Variants in TAF1B observed in about 807,000 individuals in gnomAD.
TAF1B encodes the protein TATA-box binding protein associated factor, RNA polymerase I subunit B, also known as TATA box-binding protein-associated factor RNA polymerase I subunit B.
A neutral mutation model predicts 83.9 loss-of-function variants in TAF1B; 61 were observed. The observed-to-expected ratio is 0.73, with a 90% CI of 0.59 to 0.90. TAF1B has a LOEUF of 0.90. Ranked by LOEUF, TAF1B falls within the 40% of genes least tolerant of loss-of-function variation. The pLI is 0.00. For synonymous variants in TAF1B, 221 were observed against 224.6 expected, an observed-to-expected ratio of 0.98 and a Z score of 0.14; for missense variants, 625 against 677.0, an observed-to-expected ratio of 0.92 and a Z score of 0.85.
rs182791844 is a variant in TAF1B at position 9,858,864 on chromosome 2, A to G, written c.399+4443A>G. ...CTGAGCCCTGGACCTGGCCCGTAAA[A>G]CCATTTTTCCCTCCTAGGCATCTGG... On this transcript the variant is annotated intron_variant, in intron 5 of 14. Coordinates refer to ENST00000263663, the MANE Select transcript of TAF1B (RefSeq NM_005680.3). Among the ~76,000 whole-genome samples the G allele has an allele frequency of 1.8e-4, 28 of 152,144 alleles. No homozygotes were observed. The East Asian group carries it at 4.6e-3, about 25-fold the overall frequency.
intron 1 of TAF1B, chr2:9,844,286 G>A (rs78443715): frequency 0.064 from 9,671 of 151,898 alleles, 345 homozygotes; most frequent in African/African-American, 0.082. Flanking sequence ...ATGAGCTAGG[G>A]CTACAGACAT....
rs1447669554 is a variant in TAF1B, at chr2:9,888,808, T to G, written c.807+6003T>G. On this transcript the variant is annotated intron_variant, in intron 8 of 14. Coordinates refer to ENST00000263663, the MANE Select transcript of TAF1B (RefSeq NM_005680.3). Reference sequence around the variant, plus strand: ...CTGCTTGGTTTTTTTTTTTTTTTTTTTTTTTTTTTTTTAAGACAAATTTTT... The same window carrying G: ...CTGCTTGGTTTTTTTTTTTTTTTTTGTTTTTTTTTTTTAAGACAAATTTTT... 4.8e-5 allele frequency among the ~76,000 whole-genome samples: 7 copies of G among 145,384 alleles called. No homozygotes were observed. In the East Asian group the frequency reaches 5.9e-4, roughly 12 times the overall value.
At chr2:9,896,473 ATGACAAAAGG>A in intron 8 of TAF1B, among the ~76,000 whole-genome samples, 1 of 152,120 alleles carries the variant, frequency 6.6e-6, no homozygotes. Context: ...TCCACCAGAA[ATGACAAAAGG>A]TGCAATTGTG....
chr2:9,921,849 C>A (rs752674043), intron 14 of TAF1B, among the ~76,000 whole-genome samples: 12 of 152,066 alleles, frequency 7.9e-5, no homozygotes, highest in African/African-American at 1.7e-4. Flanking sequence ...ACTTTTAGTT[C>A]CGTTTTATAT....
chr2:9,855,271 A>C (rs1179265720), intron 5 of TAF1B, among the ~76,000 whole-genome samples: 1 of 152,234 alleles, frequency 6.6e-6, no homozygotes, highest in Non-Finnish European at 1.5e-5. Context: ...CTGGGATTAC[A>C]GGCGTGAGCC....
Position 9,908,028 on chromosome 2 carries a change from C to CTTTTTTTT in TAF1B, c.956-2680_956-2673dup, listed in dbSNP as rs57261740. On this transcript the variant is annotated intron_variant, in intron 9 of 14. Coordinates refer to ENST00000263663, the MANE Select transcript of TAF1B (RefSeq NM_005680.3). ...AGCGGAGCAGTTCAAGATCTTAATT[C>CTTTTTTTT]TTTTTTTTTTTTTTTTTTTTTTTTT... is the stretch of plus-strand genomic sequence containing the variant. Among the ~76,000 whole-genome samples, 90 of 71,764 alleles carry CTTTTTTTT rather than the reference C, an allele frequency of 1.3e-3. 17 individuals are homozygous for CTTTTTTTT. The highest frequency in any genetic ancestry group is 2.6e-3 in the African/African-American group (33 of 12,706). The allele number at this position is 71,764 out of a possible 152,430, so 47.1% of individuals were successfully genotyped here. A position where few individuals can be genotyped will look rare whatever the true frequency, so the allele number is the denominator to read the frequency against.
intron 9 of TAF1B, among the ~76,000 whole-genome samples, chr2:9,908,327 G>T (rs13025784): frequency 0.51 from 78,101 of 151,746 alleles, 23,096 homozygotes; most frequent in Non-Finnish European, 0.68. Flanking sequence ...GATTACAGGC[G>T]TGAGCCACCA....
Position 9,845,327 on chromosome 2 carries a change from C to T in TAF1B, c.117+9C>T. On this transcript the variant is annotated intron_variant, in intron 2 of 14. Transcript: ENST00000263663. ...GCCACAATGTTACAGAGGTAAGTAA[C>T]AAATATCATTTATGAATTTGCTTAT... The T allele has an allele frequency of 6.2e-7, 1 of 1,607,074 alleles. No individual in the cohort carries two copies. The highest frequency in any genetic ancestry group is 8.5e-7 in the Non-Finnish European group (1 of 1,173,942).
At chr2:9,924,554 C>G (rs1028334578) in intron 14 of TAF1B, among the ~76,000 whole-genome samples, 3 of 152,232 alleles carry the variant, frequency 2.0e-5, no homozygotes. Context: ...AGCACCTGTC[C>G]TAAGACGCTG....
intron 14 of TAF1B, among the ~76,000 whole-genome samples, chr2:9,922,758 C>T (rs1001459975): frequency 1.3e-5 from 2 of 152,092 alleles, no homozygotes; most frequent in Non-Finnish European, 2.9e-5. Flanking sequence ...AAAATCCCAG[C>T]GGCTAGACCA....
intron 6 of TAF1B, among the ~76,000 whole-genome samples, chr2:9,874,609 T>A (rs1003208425): frequency 1.3e-5 from 2 of 152,164 alleles, no homozygotes; most frequent in Non-Finnish European, 2.9e-5. Flanking sequence ...TTTATTGGTC[T>A]GTCTCCCATT....
intron 8 of TAF1B, among the ~76,000 whole-genome samples, chr2:9,903,452 G>A (rs1709854): frequency 0.28 from 42,479 of 152,006 alleles, 6,924 homozygotes; most frequent in Middle Eastern, 0.4. Flanking sequence ...ATTAATATTA[G>A]GAATGTTTAT....
At chr2:9,847,095 C>T (rs745752947) in intron 2 of TAF1B, among the ~76,000 whole-genome samples, 7 of 152,110 alleles carry the variant, frequency 4.6e-5, no homozygotes, top group African/African-American at 1.2e-4. Flanking sequence ...ATACTGTTTC[C>T]GTTTGATTCT....
intron 9 of TAF1B, among the ~76,000 whole-genome samples, chr2:9,910,244 C>A (rs1165222873): frequency 6.6e-6 from 1 of 152,180 alleles, no homozygotes; most frequent in African/African-American, 2.4e-5. Context: ...GGTTCCAAGT[C>A]CCACATTATT....
At chr2:9,868,573 A>G (rs1436279879) in intron 6 of TAF1B, 144 bp downstream of exon 6, 8 of 1,178,802 alleles carry the variant, frequency 6.8e-6, no homozygotes, top group Non-Finnish European at 7.4e-6. Flanking sequence ...TTGCTGAATC[A>G]TATGGCTAAG....
intron 4 of TAF1B, chr2:9,851,982 G>A (rs1663411013): frequency 2.1e-6 from 1 of 487,420 alleles, no homozygotes; most frequent in Non-Finnish European, 4.2e-6. Context: ...TGTCCTGTGT[G>A]TTATTCACAA....
At chr2:9,844,913 C>A (rs1045966691) in intron 1 of TAF1B, among the ~76,000 whole-genome samples, 3 of 152,098 alleles carry the variant, frequency 2.0e-5, no homozygotes, top group African/African-American at 7.2e-5. Context: ...ACTTGTTTGT[C>A]ATCTTCTCAC....
In TAF1B at chr2:9,856,599, T is replaced by C. The variant is rs545852612; in HGVS notation, c.399+2178T>C. Among the ~76,000 whole-genome samples, 3 of 152,366 alleles carry C rather than the reference T, an allele frequency of 2.0e-5. No individual in the cohort carries two copies. The South Asian group carries it at 6.2e-4, about 32-fold the overall frequency. On this transcript the variant is annotated intron_variant, in intron 5 of 14. Coordinates refer to ENST00000263663, the MANE Select transcript of TAF1B (RefSeq NM_005680.3). ...TAAAATTTCATATCTAAGGTATTTG[T>C]TGATTGTATTTATGCCCTGGGAGTT...
intron 5 of TAF1B, among the ~76,000 whole-genome samples, chr2:9,863,720 A>G (rs1572225427): frequency 1.3e-5 from 2 of 152,238 alleles, no homozygotes; most frequent in South Asian, 2.1e-4. Context: ...TAGCAAATGT[A>G]AAAGAACAGA....
Sources: allele counts gnomAD v4.1 joint callset (sites outside exome capture counted in the v4.1 genomes callset), GRCh38; gene constraint gnomAD v4.1.1; transcripts MANE v1.5; gene names NCBI Gene and HGNC (gene_info 2026-07-23, HGNC 2026-07-21).